The following NRXN3 variants were observed in gnomAD, a reference collection of about 807,000 sequenced individuals.
NRXN3 encodes the protein neurexin 3, also known as neurexin III.
A neutral mutation model predicts 137.6 loss-of-function variants in NRXN3; 32 were observed. That is an observed-to-expected ratio of 0.23 (90% CI 0.18 to 0.31). The LOEUF is 0.31. NRXN3 is among the 10% of genes least tolerant of loss of function. The pLI, the probability that NRXN3 is intolerant of heterozygous loss-of-function variation, is 1.00. For synonymous variants in NRXN3, 798 were observed against 784.5 expected, an observed-to-expected ratio of 1.02 and a Z score of -0.29; for missense variants, 1,574 against 2,062.5, an observed-to-expected ratio of 0.76 and a Z score of 4.59.
intron 4 of NRXN3, among the ~76,000 whole-genome samples, chr14:78,604,682 G>C (rs981673515): frequency 2.0e-5 from 3 of 152,116 alleles, no homozygotes; most frequent in African/African-American, 7.2e-5. Flanking sequence ...TTTGAGTCTG[G>C]AGGAGTTAAG....
At chr14:79,426,046 T>C (rs1489350372) in intron 15 of NRXN3, among the ~76,000 whole-genome samples, 1 of 151,604 alleles carries the variant, frequency 6.6e-6, no homozygotes, top group Admixed American at 6.6e-5. Context: ...GAAGGTTAGA[T>C]CAAGGGCCAG....
intron 8 of NRXN3, among the ~76,000 whole-genome samples, chr14:78,770,834 G>A (rs1254754627): frequency 1.3e-5 from 2 of 152,018 alleles, no homozygotes; most frequent in Admixed American, 6.5e-5. Context: ...TCTGTAAAGT[G>A]TATAAATTTT....
At chr14:79,202,181 C>G (rs2066131536) in intron 15 of NRXN3, among the ~76,000 whole-genome samples, 1 of 151,808 alleles carries the variant, frequency 6.6e-6, no homozygotes, top group Non-Finnish European at 1.5e-5. Flanking sequence ...TATGTTCTCC[C>G]TGAAGAGGTT....
intron 4 of NRXN3, among the ~76,000 whole-genome samples, chr14:78,614,226 A>T (rs1394454996): frequency 6.6e-6 from 1 of 152,224 alleles, no homozygotes; most frequent in East Asian, 1.9e-4. Context: ...ACAGTTCAGC[A>T]TTTTAAAACT....
intron 19 of NRXN3, among the ~76,000 whole-genome samples, chr14:79,712,915 G>A (rs2098809712): frequency 6.6e-6 from 1 of 152,034 alleles, no homozygotes; most frequent in African/African-American, 2.4e-5. Flanking sequence ...TCATTTTCAA[G>A]GTGCACATTG....
At chr14:78,207,083 C>G (rs10131994) in intron 1 of NRXN3, among the ~76,000 whole-genome samples, 103,526 of 151,888 alleles carry the variant, frequency 0.68, 35,497 homozygotes, top group Middle Eastern at 0.74. Flanking sequence ...AGGCTGGTCT[C>G]GAACTCCTGA....
intron 15 of NRXN3, among the ~76,000 whole-genome samples, chr14:79,393,954 A>C (rs2153477547): frequency 1.3e-5 from 2 of 152,318 alleles, no homozygotes; most frequent in South Asian, 4.1e-4. Context: ...TTTTTGTTTA[A>C]TTATCACTAG....
chr14:79,020,422 C>T (rs549121950), intron 15 of NRXN3, among the ~76,000 whole-genome samples: 6 of 139,246 alleles, frequency 4.3e-5, no homozygotes, highest in South Asian at 2.3e-4. Flanking sequence ...TGTGCCACCA[C>T]GCCTGGCTAT....
intron 16 of NRXN3, among the ~76,000 whole-genome samples, chr14:79,500,853 T>C (rs371136171): frequency 4.5e-4 from 68 of 152,246 alleles, no homozygotes; most frequent in African/African-American, 1.5e-3. Context: ...TCTCTTAATA[T>C]GACCTTAGGT....
At chr14:78,871,160 T>A (rs918173985) in intron 10 of NRXN3, among the ~76,000 whole-genome samples, 9 of 150,862 alleles carry the variant, frequency 6.0e-5, no homozygotes, top group Non-Finnish European at 1.3e-4. Context: ...ATAGTGGCTG[T>A]ACTAATTTAT....
intron 15 of NRXN3, among the ~76,000 whole-genome samples, chr14:79,178,952 C>T (rs1325610455): frequency 2.0e-5 from 3 of 152,160 alleles, no homozygotes; most frequent in African/African-American, 7.2e-5. Context: ...AAGGACCCTT[C>T]CAATACAAGT....
chr14:78,706,577 G>C (rs950427280), intron 6 of NRXN3, among the ~76,000 whole-genome samples: 2 of 152,130 alleles, frequency 1.3e-5, no homozygotes, highest in Non-Finnish European at 2.9e-5. Flanking sequence ...CTGTGGGCCG[G>C]TTCCCTAACT....
At chr14:78,422,980 T>G (rs762946080) in intron 4 of NRXN3, among the ~76,000 whole-genome samples, 1 of 152,138 alleles carries the variant, frequency 6.6e-6, no homozygotes, top group Non-Finnish European at 1.5e-5. Flanking sequence ...ACAAGATGCC[T>G]CCCCAAACTT....
intron 10 of NRXN3, among the ~76,000 whole-genome samples, chr14:78,867,411 A>G (rs182417481): frequency 6.6e-6 from 1 of 152,324 alleles, no homozygotes; most frequent in African/African-American, 2.4e-5. Context: ...CATAGAAAAT[A>G]TTAGAGATTC....
At chr14:78,712,142 T>C (rs1365951042) in intron 7 of NRXN3, among the ~76,000 whole-genome samples, 1 of 152,234 alleles carries the variant, frequency 6.6e-6, no homozygotes, top group Non-Finnish European at 1.5e-5. Flanking sequence ...TTTAAATTGA[T>C]TCTAGTATTG....
intron 15 of NRXN3, among the ~76,000 whole-genome samples, chr14:79,066,827 CTT>C (rs377099968): frequency 0.011 from 1,685 of 152,232 alleles, 12 homozygotes; most frequent in Non-Finnish European, 0.017. Flanking sequence ...TATTCTGAGA[CTT>C]TACTGAAATT....
intron 6 of NRXN3, among the ~76,000 whole-genome samples, chr14:78,672,107 A>G (rs2097942034): frequency 6.6e-6 from 1 of 152,238 alleles, no homozygotes; most frequent in Admixed American, 6.5e-5. Context: ...ATAAAGAAAT[A>G]TAACAAAATG....
intron 15 of NRXN3, among the ~76,000 whole-genome samples, chr14:79,105,307 ACTT>A (rs1196965099): frequency 1.3e-5 from 2 of 152,158 alleles, no homozygotes; most frequent in African/African-American, 2.4e-5. Context: ...CAAAAAAAGA[ACTT>A]CTTCAGTCAC....
At chr14:78,765,656 A>G (rs76189619) in intron 8 of NRXN3, among the ~76,000 whole-genome samples, 2,378 of 151,932 alleles carry the variant, frequency 0.016, 21 homozygotes, top group Middle Eastern at 0.031. Flanking sequence ...TTGTATTGCT[A>G]CTCTCTAGTA....
Sources: gnomAD v4.1 joint callset for allele counts (sites outside exome capture counted in the v4.1 genomes callset) on GRCh38, gnomAD v4.1.1 for gene constraint, MANE v1.5 for transcripts, NCBI Gene and HGNC (gene_info 2026-07-23, HGNC 2026-07-21) for gene names.